The following WDR11 variants were observed in gnomAD, a reference collection of about 807,000 sequenced individuals.
The protein encoded by WDR11 is WD repeat-containing protein 11.
In WDR11, 83 loss-of-function variants were observed where a neutral mutation model predicts 151.2. That is an observed-to-expected ratio of 0.55 (90% CI 0.46 to 0.66). WDR11 has a LOEUF of 0.66. Ranked by LOEUF, WDR11 falls within the 30% of genes least tolerant of loss-of-function variation. WDR11 has a pLI of 0.00. For missense variants in WDR11, 1,301 were observed against 1,480.9 expected (o/e 0.88, Z 1.99); for synonymous variants, 484 against 533.1 (o/e 0.91, Z 1.27).
chr10:120,858,941 T>A, intron 3 of WDR11, 145 bp downstream of exon 3: 2 of 994,858 alleles, frequency 2.0e-6, no homozygotes, highest in Non-Finnish European at 3.1e-6. Flanking sequence ...TCTGCTGATC[T>A]AAATCTGGCT....
intron 11 of WDR11, among the ~76,000 whole-genome samples, chr10:120,874,636 A>G (rs1258965967): frequency 1.3e-5 from 2 of 151,342 alleles, no homozygotes; most frequent in Non-Finnish European, 2.9e-5. Flanking sequence ...TTCAACTCCC[A>G]CTTATGAGTG....
At chr10:120,887,467 A>G (rs916311201) in intron 16 of WDR11, among the ~76,000 whole-genome samples, 2 of 152,142 alleles carry the variant, frequency 1.3e-5, no homozygotes, top group African/African-American at 2.4e-5. Context: ...GCATGAGGGG[A>G]TTTTTTAAAA....
intron 25 of WDR11, 127 bp from the exon 26 acceptor site, chr10:120,905,192 C>G (rs1847986635): frequency 4.5e-6 from 4 of 884,494 alleles, no homozygotes; most frequent in African/African-American, 3.3e-5. Flanking sequence ...GAATTTAAAT[C>G]AAGAATGTCT....
In WDR11 at chr10:120,905,330, T is replaced by C. The variant is rs765220653; in HGVS notation, c.3205T>C (p.Leu1069=). Reference sequence around the variant, plus strand: ...CTTTTGTCTTTCAGAGGGCGTTCAGTTGCTCTGCCTGATAGATAAGGCTGC... The same window carrying C: ...CTTTTGTCTTTCAGAGGGCGTTCAGCTGCTCTGCCTGATAGATAAGGCTGC... ...ANGKLAEGVQ[L]LCLIDKAADA... is the part of the protein sequence containing the mutation. Residue 1069 remains leucine, a synonymous_variant, in exon 26 of 29, where the codon TTG becomes CTG. Transcript: ENST00000263461. 1 of 1,614,094 alleles carries C rather than the reference T, an allele frequency of 6.2e-7. No homozygotes were observed. The highest frequency in any genetic ancestry group is 8.5e-7 in the Non-Finnish European group (1 of 1,180,032).
chr10:120,869,405 G>A (rs537417657), intron 9 of WDR11, among the ~76,000 whole-genome samples: 8 of 152,170 alleles, frequency 5.3e-5, no homozygotes, highest in Non-Finnish European at 7.4e-5. Flanking sequence ...GAGCCACCGC[G>A]CCCGGCCAAA....
chr10:120,908,480 C>T (rs541103442), intron 28 of WDR11, 76 bp from the exon 29 acceptor site: 1 of 1,519,764 alleles, frequency 6.6e-7, no homozygotes, highest in Non-Finnish European at 9.1e-7. Context: ...CGCGACTCAC[C>T]CTTCCTGCTT....
chr10:120,866,946 A>G, intron 8 of WDR11, 120 bp from the exon 9 acceptor site: 2 of 1,052,824 alleles, frequency 1.9e-6, no homozygotes, highest in South Asian at 2.8e-5. Context: ...CCTATGGGTA[A>G]GATGAATGAA....
At chr10:120,889,052 A>G (rs768783184) in intron 16 of WDR11, 26 bp from the exon 17 acceptor site, 15 of 1,493,874 alleles carry the variant, frequency 1.0e-5, no homozygotes, top group Admixed American at 3.3e-5. Context: ...TGAAATTTAT[A>G]TTTGTTTGTT....
At chr10:120,852,971 C>T (rs561253413) in intron 2 of WDR11, among the ~76,000 whole-genome samples, 11 of 152,238 alleles carry the variant, frequency 7.2e-5, no homozygotes, top group East Asian at 1.9e-4. Context: ...AGACTCACAG[C>T]GTGATAGTGT....
Position 120,906,774 on chromosome 10 carries a change from A to G in WDR11, c.3438-2A>G. 6.2e-7 allele frequency: 1 copy of G among 1,614,196 alleles called. No individual in the cohort carries two copies. Among genetic ancestry groups the G allele is most frequent in the Non-Finnish European group, 8.5e-7 (1 of 1,180,026 alleles). Reference sequence around the variant, plus strand: ...TAACTCTTGTTTTGTTCTGTTGAGCAGCATGAGATACTTTGATAGAGCAGC... The same window carrying G: ...TAACTCTTGTTTTGTTCTGTTGAGCGGCATGAGATACTTTGATAGAGCAGC... On this transcript the variant is annotated splice_acceptor_variant, in intron 27 of 28. Transcript: ENST00000263461. LOFTEE classifies it high-confidence loss of function.
rs1848055484 is a variant in WDR11, at chr10:120,906,561, T to A, written c.3438-215T>A. 2.1e-6 allele frequency: 3 copies of A among 1,412,574 alleles called. No individual in the cohort carries two copies. The Admixed American group carries it at 8.6e-5, about 40-fold the overall frequency. 87.5% of individuals were successfully genotyped at this position (1,412,574 alleles called of 1,614,324 possible). ...TTGTGTATTTAAACTATTTCACAAT[T>A]TTTTAAAGTATTAATTTTAAAAAGC... On this transcript the variant is annotated intron_variant, in intron 27 of 28. Transcript: ENST00000263461.
intron 4 of WDR11, 35 bp downstream of exon 4, chr10:120,860,317 T>G: frequency 1.2e-6 from 2 of 1,601,532 alleles, no homozygotes; most frequent in Non-Finnish European, 1.7e-6. Flanking sequence ...ATGAGTTAAG[T>G]GAGATATTTA....
At chr10:120,852,724 T>G in intron 2 of WDR11, 89 bp downstream of exon 2, 1 of 1,128,618 alleles carries the variant, frequency 8.9e-7, no homozygotes, top group Non-Finnish European at 1.3e-6. Context: ...GTCTTACGTG[T>G]AAGTGTTGAA....
Position 120,888,896 on chromosome 10 carries a change from C to A in WDR11, c.2122-182C>A, listed in dbSNP as rs906415868. 2.6e-5 allele frequency among the ~76,000 whole-genome samples: 4 copies of A among 151,988 alleles called. No individual in the cohort carries two copies. The East Asian group carries it at 7.7e-4, about 29-fold the overall frequency. On this transcript the variant is annotated intron_variant, in intron 16 of 28. Transcript: ENST00000263461. Reference sequence around the variant, plus strand: ...TCTATGAAGTTGAAATCTCCTATTTCTTCATAGTTGAAATTGATAGGCAAT... The same window carrying A: ...TCTATGAAGTTGAAATCTCCTATTTATTCATAGTTGAAATTGATAGGCAAT...
At chr10:120,890,374 G>A (rs957368409) in intron 18 of WDR11, among the ~76,000 whole-genome samples, 3 of 151,948 alleles carry the variant, frequency 2.0e-5, no homozygotes, top group Non-Finnish European at 2.9e-5. Context: ...CACCACGCCC[G>A]GCTAATGTTT....
chr10:120,905,828 T>G (rs1375192925), intron 26 of WDR11, 48 bp from the exon 27 acceptor site: 1 of 1,613,952 alleles, frequency 6.2e-7, no homozygotes, highest in East Asian at 2.2e-5. Flanking sequence ...TATTTTTTCT[T>G]TATAGAGTGC....
chr10:120,886,542 A>G, intron 15 of WDR11, 147 bp from the exon 16 acceptor site: 1 of 946,632 alleles, frequency 1.1e-6, no homozygotes, highest in Non-Finnish European at 1.6e-6. Context: ...ACCCATAATT[A>G]GCTGGGCAAA....
intron 22 of WDR11, 139 bp downstream of exon 22, chr10:120,902,461 G>GA: frequency 1.3e-6 from 1 of 760,856 alleles, no homozygotes; most frequent in Non-Finnish European, 2.2e-6. Flanking sequence ...AAATAATTTT[G>GA]ACAGTAGTAA....
chr10:120,907,093 G>A (rs562663910), intron 28 of WDR11, among the ~76,000 whole-genome samples: 162 of 152,248 alleles, frequency 1.1e-3, no homozygotes, highest in African/African-American at 3.6e-3. Context: ...AGGCAGGAAG[G>A]ACTATAGAGG....
Sources: allele counts gnomAD v4.1 joint callset (sites outside exome capture counted in the v4.1 genomes callset), GRCh38; gene constraint gnomAD v4.1.1; transcripts MANE v1.5; gene names NCBI Gene and HGNC (gene_info 2026-07-23, HGNC 2026-07-21).